DNAJB4: variants seen among roughly 807,000 people sequenced by gnomAD.
The protein encoded by DNAJB4 is DnaJ heat shock protein family (Hsp40) member B4.
Under a neutral mutation model 26.6 loss-of-function variants are expected in DNAJB4, and 10 were observed. The ratio of observed to expected loss-of-function variants is 0.38; its 90% confidence interval spans 0.23 to 0.64. The LOEUF is 0.64. Among genes scored for constraint, DNAJB4 ranks in the 30% least tolerant of loss-of-function variants. The probability of loss-of-function intolerance (pLI) is 0.58; values close to 1 mark genes in which losing one functional copy is unlikely to be tolerated. For missense variants in DNAJB4, 328 were observed against 408.2 expected (o/e 0.80, Z 1.69); for synonymous variants, 136 against 134.8 (o/e 1.01, Z -0.06).
At chr1:77,993,604 C>T (rs1158618280) in intron 1 of DNAJB4, among the ~76,000 whole-genome samples, 2 of 152,080 alleles carry the variant, frequency 1.3e-5, no homozygotes, top group Admixed American at 6.6e-5. Flanking sequence ...CATGAGCCAC[C>T]GTGCCTGACT....
At chr1:77,991,796 C>T (rs1378503434) in intron 1 of DNAJB4, among the ~76,000 whole-genome samples, 2 of 152,152 alleles carry the variant, frequency 1.3e-5, no homozygotes, top group Non-Finnish European at 2.9e-5. Context: ...TTGCTAAGCA[C>T]AAGAAGGCTG....
At chr1:77,991,672 C>G (rs1659933961) in intron 1 of DNAJB4, among the ~76,000 whole-genome samples, 1 of 151,728 alleles carries the variant, frequency 6.6e-6, no homozygotes. Flanking sequence ...TTAAACAAGT[C>G]TCCTTTTCAT....
At chr1:77,982,980 CAA>C (rs1051451479) in intron 1 of DNAJB4, among the ~76,000 whole-genome samples, 4 of 152,122 alleles carry the variant, frequency 2.6e-5, no homozygotes, top group African/African-American at 9.7e-5. Context: ...GACACAAAGA[CAA>C]AGTATGCTGA....
At chr1:78,014,145 A>G (rs1008412202) in intron 2 of DNAJB4, among the ~76,000 whole-genome samples, 1 of 150,922 alleles carries the variant, frequency 6.6e-6, no homozygotes, top group African/African-American at 2.4e-5. Flanking sequence ...TTTTTGAGAC[A>G]GAGTCTTGCT....
At chr1:77,981,766 A>G (rs772728465) in intron 1 of DNAJB4, among the ~76,000 whole-genome samples, 16 of 152,198 alleles carry the variant, frequency 1.1e-4, no homozygotes, top group Non-Finnish European at 2.1e-4. Context: ...CAAACTTTTC[A>G]GTGTTCTTCA....
Position 78,013,153 on chromosome 1 carries a change from C to A in DNAJB4, c.314C>A (p.Ser105Tyr). Reference sequence around the variant, plus strand: ...ACATTTGCTGCATTTTTCGGAGGGTCCAACCCCTTTGAAATTTTCTTTGGA... The same window carrying A: ...ACATTTGCTGCATTTTTCGGAGGGTACAACCCCTTTGAAATTTTCTTTGGA... ...HATFAAFFGG[S>Y]NPFEIFFGRR... Residue 105 changes from serine to tyrosine, a missense_variant, in exon 2 of 3, where the codon TCC becomes TAC. By Grantham distance (144) the Ser-to-Tyr change is moderately radical. Coordinates refer to ENST00000370763, the MANE Select transcript of DNAJB4 (RefSeq NM_007034.5). 1 of 1,614,094 alleles carries A rather than the reference C, an allele frequency of 6.2e-7. No homozygotes were observed. Among genetic ancestry groups the A allele is most frequent in the Non-Finnish European group, 8.5e-7 (1 of 1,180,014 alleles).
rs796245317 is a variant in DNAJB4, at chr1:78,016,994, C to A, written c.*747C>A. ...TAATAAATTATAGGCTCATTTTGTT[C>A]TCTGCTAGTTTAAAGTAATTCGTTT... is the stretch of plus-strand genomic sequence containing the variant. On this transcript the variant is annotated 3_prime_UTR_variant, in exon 3 of 3. Coordinates refer to ENST00000370763, the MANE Select transcript of DNAJB4 (RefSeq NM_007034.5). 7.9e-5 allele frequency: 12 copies of A among 152,080 alleles called. No homozygotes were observed. The highest frequency in any genetic ancestry group is 2.9e-4 in the African/African-American group (12 of 41,518). The allele number at this position is 152,080 out of a possible 1,614,324, so 9.4% of individuals were successfully genotyped here.
At chr1:77,986,096 T>C (rs1301255174) in intron 1 of DNAJB4, among the ~76,000 whole-genome samples, 1 of 152,198 alleles carries the variant, frequency 6.6e-6, no homozygotes, top group Non-Finnish European at 1.5e-5. Flanking sequence ...TGTTAAATTA[T>C]TTGAAACAAG....
chr1:78,003,336 T>C (rs953593819), upstream of DNAJB4, among the ~76,000 whole-genome samples: 2 of 151,640 alleles, frequency 1.3e-5, no homozygotes, highest in Admixed American at 1.3e-4. Flanking sequence ...GATAAATAGC[T>C]GACAAACCTC....
At chr1:77,979,619 G>T (rs1659439229), upstream of DNAJB4, 1 of 152,996 alleles carries the variant, frequency 6.5e-6, no homozygotes, top group Non-Finnish European at 1.5e-5. Context: ...TGATTTTCAG[G>T]GTAGTAAAGT....
upstream of DNAJB4, chr1:77,979,723 A>G (rs1659449348): frequency 6.6e-6 from 1 of 152,248 alleles, no homozygotes; most frequent in Admixed American, 6.5e-5. Context: ...GTTCTCGACC[A>G]TATTTTAAGT....
chr1:77,979,335 TG>T (rs1222820442), upstream of DNAJB4: 1 of 288,454 alleles, frequency 3.5e-6, no homozygotes, highest in Non-Finnish European at 6.6e-6. Context: ...TGGGTGATAG[TG>T]GCCAGTTGAC....
chr1:78,006,705 T>TA (rs1377584687), intron 1 of DNAJB4, among the ~76,000 whole-genome samples: 1 of 152,118 alleles, frequency 6.6e-6, no homozygotes, highest in African/African-American at 2.4e-5. Flanking sequence ...AAAAGGCAAA[T>TA]ACTGGGCAGT....
At chr1:78,009,607 C>T (rs909143206) in intron 1 of DNAJB4, among the ~76,000 whole-genome samples, 7 of 152,106 alleles carry the variant, frequency 4.6e-5, no homozygotes, top group African/African-American at 1.4e-4. Flanking sequence ...AAGAACTGAC[C>T]ATATAGTTAA....
At chr1:78,005,378 C>G (rs1326585219) in intron 1 of DNAJB4, 57 bp downstream of exon 1, 4 of 1,267,966 alleles carry the variant, frequency 3.2e-6, no homozygotes, top group Admixed American at 5.6e-5. Context: ...TTTTTTTTTT[C>G]TCTCTCTCTG....
chr1:78,015,754 G>A (rs1196901414), intron 2 of DNAJB4, among the ~76,000 whole-genome samples: 1 of 151,588 alleles, frequency 6.6e-6, no homozygotes, highest in East Asian at 1.9e-4. Context: ...TCTCCATGTT[G>A]GTGAGGCTGG....
At chr1:77,985,520 G>A (rs1020703487) in intron 1 of DNAJB4, among the ~76,000 whole-genome samples, 8 of 152,036 alleles carry the variant, frequency 5.3e-5, no homozygotes, top group Admixed American at 5.2e-4. Flanking sequence ...TTATCTAATT[G>A]TAGCAATAAT....
intron 2 of DNAJB4, among the ~76,000 whole-genome samples, chr1:78,015,256 A>G (rs994744446): frequency 2.6e-5 from 4 of 152,184 alleles, no homozygotes; most frequent in Non-Finnish European, 4.4e-5. Context: ...TAAAACAAAT[A>G]TATTTCTTGT....
upstream of DNAJB4, among the ~76,000 whole-genome samples, chr1:78,002,397 C>G (rs1660213521): frequency 6.6e-6 from 1 of 152,118 alleles, no homozygotes; most frequent in Admixed American, 6.6e-5. Flanking sequence ...GAGAAGACAT[C>G]TCAGTCTGAA....
Sources: allele counts gnomAD v4.1 joint callset (sites outside exome capture counted in the v4.1 genomes callset), GRCh38; gene constraint gnomAD v4.1.1; transcripts MANE v1.5; gene names NCBI Gene and HGNC (gene_info 2026-07-23, HGNC 2026-07-21).